Variants in JAM2 observed in about 807,000 individuals in gnomAD.
JAM2 encodes the protein junctional adhesion molecule 2.
JAM2 carries 17 observed loss-of-function variants against 42.0 expected under a neutral mutation model. That is an observed-to-expected ratio of 0.40 (90% CI 0.28 to 0.61). The LOEUF is 0.61. Among genes scored for constraint, JAM2 ranks in the 20% least tolerant of loss-of-function variants. The pLI, the probability that JAM2 is intolerant of heterozygous loss-of-function variation, is 0.37. For missense variants in JAM2, 319 were observed against 358.3 expected, an observed-to-expected ratio of 0.89 and a Z score of 0.89; for synonymous variants, 118 against 128.6, an observed-to-expected ratio of 0.92 and a Z score of 0.56.
In JAM2 at chr21:25,654,661, AAAAAAAAAT is replaced by A. The variant is rs1437261639; in HGVS notation, c.67+14774_67+14782del. Among the ~76,000 whole-genome samples, 852 of 151,828 alleles carry A rather than the reference AAAAAAAAAT, an allele frequency of 5.6e-3. 13 individuals are homozygous for A. Among genetic ancestry groups the A allele is most frequent in the African/African-American group, 0.02 (822 of 41,354 alleles). On this transcript the variant is annotated intron_variant, in intron 1 of 9. Coordinates refer to ENST00000480456, the MANE Select transcript of JAM2 (RefSeq NM_021219.4). ...AGACTTTCTCTCAAAAAAAAAAAAAAAAAAAAAATTGGAAGCACATAGCACTCCCTGTGT... is the reference window on the plus strand; with the variant it reads ...AGACTTTCTCTCAAAAAAAAAAAAAATGGAAGCACATAGCACTCCCTGTGT...
intron 1 of JAM2, among the ~76,000 whole-genome samples, chr21:25,664,504 G>C (rs551345733): frequency 5.9e-5 from 9 of 152,244 alleles, no homozygotes; most frequent in African/African-American, 2.2e-4. Flanking sequence ...AAAGTGCTGG[G>C]ATTACAGGCG....
chr21:25,693,693 G>A (rs2033932114), intron 3 of JAM2, 63 bp from the exon 4 acceptor site: 4 of 1,314,868 alleles, frequency 3.0e-6, no homozygotes, highest in Non-Finnish European at 4.3e-6. Context: ...CTGATTAGAG[G>A]AAGGTATTAC....
intron 1 of JAM2, among the ~76,000 whole-genome samples, chr21:25,651,696 T>G (rs1379126930): frequency 2.0e-5 from 3 of 152,256 alleles, no homozygotes; most frequent in African/African-American, 7.2e-5. Flanking sequence ...ATGCATTGTA[T>G]TATTTATTTC....
intron 2 of JAM2, among the ~76,000 whole-genome samples, chr21:25,686,560 T>C (rs1047975518): frequency 6.6e-6 from 1 of 152,234 alleles, no homozygotes; most frequent in Non-Finnish European, 1.5e-5. Flanking sequence ...TCACTTCCCA[T>C]GATAGTGCCA....
intron 1 of JAM2, among the ~76,000 whole-genome samples, chr21:25,659,992 A>G (rs2123330226): frequency 6.6e-6 from 1 of 151,780 alleles, no homozygotes; most frequent in Non-Finnish European, 1.5e-5. Flanking sequence ...ATCTCGGCTC[A>G]CTGCAACCTC....
chr21:25,649,324 C>T (rs1482298023), intron 1 of JAM2, among the ~76,000 whole-genome samples: 1 of 152,176 alleles, frequency 6.6e-6, no homozygotes, highest in Non-Finnish European at 1.5e-5. Context: ...CCTCAGGAAA[C>T]TTACAATCAT....
chr21:25,653,128 G>A (rs2032827336), intron 1 of JAM2, among the ~76,000 whole-genome samples: 1 of 152,162 alleles, frequency 6.6e-6, no homozygotes, highest in South Asian at 2.1e-4. Context: ...AGCACATCAC[G>A]TGGCCAAACG....
intron 1 of JAM2, among the ~76,000 whole-genome samples, chr21:25,650,135 A>G (rs945860164): frequency 2.0e-5 from 3 of 152,146 alleles, no homozygotes; most frequent in Non-Finnish European, 2.9e-5. Context: ...AGGTCCTACC[A>G]CCTCTCAACA....
chr21:25,689,797 T>G (rs1426253475), intron 2 of JAM2, 69 bp from the exon 3 acceptor site: 7 of 946,844 alleles, frequency 7.4e-6, no homozygotes, highest in Non-Finnish European at 1.2e-5. Flanking sequence ...ACAATTTTGT[T>G]ACCTAGTTAA....
At position 25,710,430 on chromosome 21, in the gene JAM2, A is replaced by G. The variant is rs78440147; in HGVS notation, c.821+981A>G. ...GATAGGGCCATTATGGAGAAAAATAAAACAAATAAGAGAATATACAATACA... is the reference window on the plus strand; with the variant it reads ...GATAGGGCCATTATGGAGAAAAATAGAACAAATAAGAGAATATACAATACA... On this transcript the variant is annotated intron_variant, in intron 8 of 9. Transcript: ENST00000480456. Among the ~76,000 whole-genome samples the G allele has an allele frequency of 1.2e-4, 18 of 152,350 alleles. No individual in the cohort carries two copies. In the East Asian group the frequency reaches 3.5e-3, roughly 29 times the overall value.
intron 9 of JAM2, among the ~76,000 whole-genome samples, chr21:25,713,308 T>G (rs1480947222): frequency 6.6e-6 from 1 of 152,152 alleles, no homozygotes; most frequent in Non-Finnish European, 1.5e-5. Flanking sequence ...GGAACATAAT[T>G]TAGACACTTG....
intron 1 of JAM2, among the ~76,000 whole-genome samples, chr21:25,642,019 A>T (rs2032459729): frequency 6.6e-6 from 1 of 152,160 alleles, no homozygotes; most frequent in South Asian, 2.1e-4. Flanking sequence ...AGGTAAAGTG[A>T]CATTTTCATC....
At chr21:25,669,152 C>A (rs1601013000) in intron 1 of JAM2, among the ~76,000 whole-genome samples, 1 of 152,148 alleles carries the variant, frequency 6.6e-6, no homozygotes, top group Middle Eastern at 3.4e-3. Context: ...GCAAGCAGAT[C>A]ACTTGAGCCC....
intron 9 of JAM2, 70 bp from the exon 10 acceptor site, chr21:25,714,570 A>G: frequency 2.1e-6 from 2 of 944,954 alleles, no homozygotes; most frequent in Non-Finnish European, 3.2e-6. Flanking sequence ...ATAGCTTGAT[A>G]TTCATAAGAT....
chr21:25,660,136 G>C (rs1481608318), intron 1 of JAM2, among the ~76,000 whole-genome samples: 5 of 152,120 alleles, frequency 3.3e-5, no homozygotes, highest in African/African-American at 1.2e-4. Context: ...GGCCAGGCTG[G>C]TCTCAAACTC....
intron 1 of JAM2, among the ~76,000 whole-genome samples, chr21:25,670,802 A>T (rs925338771): frequency 1.3e-5 from 2 of 152,222 alleles, no homozygotes; most frequent in Non-Finnish European, 2.9e-5. Context: ...CTTGCCTGAC[A>T]ATTGTGAATA....
At chr21:25,714,164 T>G in intron 9 of JAM2, 1 of 1,300,930 alleles carries the variant, frequency 7.7e-7, no homozygotes, top group South Asian at 1.2e-5. Context: ...GTACCTTGTC[T>G]GCTAGGAGTT....
At chr21:25,665,324 A>T (rs1382888427) in intron 1 of JAM2, among the ~76,000 whole-genome samples, 6 of 152,240 alleles carry the variant, frequency 3.9e-5, no homozygotes, top group Non-Finnish European at 8.8e-5. Context: ...TTCTCAGAAC[A>T]AAATAGACTA....
At chr21:25,665,432 A>G (rs573247674) in intron 1 of JAM2, among the ~76,000 whole-genome samples, 1 of 152,342 alleles carries the variant, frequency 6.6e-6, no homozygotes, top group African/African-American at 2.4e-5. Context: ...TTAATTTACC[A>G]CTATAATTCA....
Sources: allele counts gnomAD v4.1 joint callset (sites outside exome capture counted in the v4.1 genomes callset), GRCh38; gene constraint gnomAD v4.1.1; transcripts MANE v1.5; gene names NCBI Gene and HGNC (gene_info 2026-07-23, HGNC 2026-07-21).